Variants in ZNF292 observed in about 807,000 individuals in gnomAD.
ZNF292 encodes zinc finger protein 292.
Under a neutral mutation model 217.9 loss-of-function variants are expected in ZNF292, and 26 were observed. The observed-to-expected ratio is 0.12, with a 90% CI of 0.09 to 0.17. The LOEUF (loss-of-function observed/expected upper bound fraction) is 0.17. ZNF292 is among the 10% of genes least tolerant of loss of function. The pLI, the probability that ZNF292 is intolerant of heterozygous loss-of-function variation, is 1.00. For synonymous variants in ZNF292, 1,257 were observed against 1,124.1 expected, an observed-to-expected ratio of 1.12 and a Z score of -2.37; for missense variants, 2,904 against 3,175.2, an observed-to-expected ratio of 0.91 and a Z score of 2.05.
rs781723343 is a variant in ZNF292 at position 87,258,855 on chromosome 6, T to C, written c.5226T>C (p.Ser1742=). Residue 1742 remains serine (S), a synonymous_variant, in exon 8 of 8, where the codon TCT becomes TCC. Transcript: ENST00000369577. The part of the protein sequence containing the change: ...ALNSCTTSIN[S]DLQISEDNVI... The stretch of plus-strand genomic sequence containing the variant: ...ATTCATGCACAACTTCAATAAATTC[T>C]GATTTGCAGATTTCTGAAGACAATG... The C allele has an allele frequency of 1.7e-4, 275 of 1,610,158 alleles. 3 individuals carry two copies. The highest frequency in any genetic ancestry group is 9.1e-4 in the Admixed American group (54 of 59,330).
chr6:87,200,350 G>A (rs1026911715), intron 1 of ZNF292, among the ~76,000 whole-genome samples: 1 of 152,176 alleles, frequency 6.6e-6, no homozygotes, highest in Non-Finnish European at 1.5e-5. Context: ...GCTGAAGTCA[G>A]AATTGTCCTT....
chr6:87,215,363 A>G (rs1006010162), intron 1 of ZNF292, among the ~76,000 whole-genome samples: 1 of 152,146 alleles, frequency 6.6e-6, no homozygotes, highest in African/African-American at 2.4e-5. Context: ...GTTGATTTTT[A>G]TATGTTGAAA....
At chr6:87,210,873 G>A (rs779225144) in intron 1 of ZNF292, among the ~76,000 whole-genome samples, 3 of 152,194 alleles carry the variant, frequency 2.0e-5, no homozygotes, top group Non-Finnish European at 2.9e-5. Context: ...TCATCACTCA[G>A]CCCTAGCTAG....
At position 87,188,163 on chromosome 6, in the gene ZNF292, A is replaced by G. The variant is rs149843247; in HGVS notation, c.169-27740A>G. Among the ~76,000 whole-genome samples, 150 of 152,354 alleles carry G rather than the reference A, an allele frequency of 9.8e-4. 1 individual carries two copies. Among genetic ancestry groups the G allele is most frequent in the African/African-American group, 3.5e-3 (147 of 41,594 alleles). On this transcript the variant is annotated intron_variant, in intron 1 of 7. Coordinates refer to ENST00000369577, the MANE Select transcript of ZNF292 (RefSeq NM_015021.3). Reference sequence around the variant, plus strand: ...GCATTCTCTAGTTTGCCAGTTGTACATGAAAAACAACTCTCTGATAGTGAG... The same window carrying G: ...GCATTCTCTAGTTTGCCAGTTGTACGTGAAAAACAACTCTCTGATAGTGAG...
chr6:87,160,726 C>G (rs1249592497), intron 1 of ZNF292, among the ~76,000 whole-genome samples: 1 of 151,476 alleles, frequency 6.6e-6, no homozygotes, highest in East Asian at 1.9e-4. Flanking sequence ...ATAAGCAGGG[C>G]TTCTCAACTG....
intron 1 of ZNF292, among the ~76,000 whole-genome samples, chr6:87,202,318 G>T (rs2127790023): frequency 6.6e-6 from 1 of 152,124 alleles, no homozygotes; most frequent in South Asian, 2.1e-4. Flanking sequence ...TACTGTGAAT[G>T]TTATCTTTTT....
intron 1 of ZNF292, among the ~76,000 whole-genome samples, chr6:87,204,824 A>C (rs2127792101): frequency 6.6e-6 from 1 of 152,100 alleles, no homozygotes; most frequent in South Asian, 2.1e-4. Flanking sequence ...TCAGCCTCGC[A>C]AAGTGCTGGG....
At chr6:87,238,640 T>TTTA in intron 5 of ZNF292, among the ~76,000 whole-genome samples, 1 of 33,366 alleles carries the variant, frequency 3.0e-5, no homozygotes, top group East Asian at 1.2e-3. Flanking sequence ...TAAGTATTTA[T>TTTA]TTTTTTTATT....
intron 5 of ZNF292, among the ~76,000 whole-genome samples, chr6:87,234,255 T>C (rs1017178745): frequency 4.6e-5 from 7 of 152,162 alleles, no homozygotes; most frequent in African/African-American, 1.7e-4. Context: ...TTAAAGAATT[T>C]AGATAAAACT....
intron 1 of ZNF292, among the ~76,000 whole-genome samples, chr6:87,166,173 G>A (rs905755397): frequency 1.3e-5 from 2 of 152,262 alleles, no homozygotes; most frequent in Non-Finnish European, 1.5e-5. Flanking sequence ...AACCCATTGC[G>A]CTCTCCCTCC....
chr6:87,185,651 T>G (rs1771624369), intron 1 of ZNF292, among the ~76,000 whole-genome samples: 2 of 152,124 alleles, frequency 1.3e-5, no homozygotes, highest in African/African-American at 2.4e-5. Context: ...GTATTTTTGA[T>G]AGAGATGGGG....
chr6:87,193,296 G>A (rs1210651995), intron 1 of ZNF292, among the ~76,000 whole-genome samples: 1 of 152,166 alleles, frequency 6.6e-6, no homozygotes, highest in African/African-American at 2.4e-5. Context: ...TGCAATCCTA[G>A]CACTTTGGGA....
In ZNF292 at chr6:87,255,256, T is replaced by C; in HGVS notation, c.1627T>C (p.Tyr543His). The change falls in exon 8 of 8, where the codon TAT becomes CAT. Residue 543 changes from tyrosine to histidine, a missense_variant. By Grantham distance (83) the Tyr-to-His change is moderately conservative. Transcript: ENST00000369577. ...TAGGAATTGGCAAGCCTACATGCAG[T>C]ATTGTGTGTTGTGTGACAAAGAATT... ...RFRNWQAYMQ[Y>H]CVLCDKEFLG... 6.2e-7 allele frequency: 1 copy of C among 1,613,868 alleles called. No homozygotes were observed. Among genetic ancestry groups the C allele is most frequent in the Non-Finnish European group, 8.5e-7 (1 of 1,179,820 alleles).
intron 7 of ZNF292, among the ~76,000 whole-genome samples, chr6:87,253,824 C>T (rs1775059405): frequency 6.6e-6 from 1 of 152,184 alleles, no homozygotes; most frequent in African/African-American, 2.4e-5. Context: ...AATGTGGCCA[C>T]ATCCTGTGGC....
intron 1 of ZNF292, among the ~76,000 whole-genome samples, chr6:87,189,984 T>C (rs1386753766): frequency 7.9e-5 from 12 of 152,230 alleles, no homozygotes; most frequent in Non-Finnish European, 2.9e-5. Flanking sequence ...ATATTTATTT[T>C]ATACCTTGGT....
chr6:87,243,279 G>GTTT, intron 5 of ZNF292, among the ~76,000 whole-genome samples, 196 bp from the exon 6 acceptor site: 1 of 115,826 alleles, frequency 8.6e-6, no homozygotes, highest in African/African-American at 3.8e-5. Flanking sequence ...TATAAAGAAA[G>GTTT]GTTTTTTTTT....
chr6:87,258,482 G>A lies in ZNF292; in HGVS notation c.4853G>A (p.Ser1618Asn), dbSNP rs761462824. Residue 1618 changes from serine to asparagine, a missense_variant, in exon 8 of 8, where the codon AGT (serine) becomes AAT (asparagine). Ser to Asn is a conservative substitution (Grantham distance 46). This residue lies in a region of ZNF292 where 622 missense variants were observed against 573.1 expected (regional missense o/e 1.09). Coordinates refer to ENST00000369577, the MANE Select transcript of ZNF292 (RefSeq NM_015021.3). The part of the protein sequence containing the change: ...VISGPQNTRS[S>N]HLNKKGNSAS... The stretch of plus-strand genomic sequence containing the variant: ...AGTGGTCCTCAGAACACAAGATCCA[G>A]TCATTTAAATAAAAAGGGAAACAGT... The A allele has an allele frequency of 3.6e-5, 58 of 1,613,506 alleles. No homozygotes were observed. Among genetic ancestry groups the A allele is most frequent in the Middle Eastern group, 1.6e-4 (1 of 6,084 alleles).
intron 1 of ZNF292, chr6:87,170,443 A>G (rs1381917667): frequency 6.6e-6 from 1 of 152,232 alleles, no homozygotes; most frequent in Non-Finnish European, 1.5e-5. Flanking sequence ...CTGCTTCTTT[A>G]GTAATTAAGA....
At position 87,260,436 on chromosome 6, in the gene ZNF292, C is replaced by A. The variant is rs1775504892; in HGVS notation, c.6807C>A (p.Thr2269=). 1 of 1,613,512 alleles carries A rather than the reference C, an allele frequency of 6.2e-7. No homozygotes were observed. ...DCEGCDRIYA[T]RSNLLRHIFN... ...AAGGCTGTGACCGTATATATGCAAC[C>A]CGGTCGAATCTCCTCCGACACATTT... Residue 2269 remains threonine (T), a synonymous_variant, in exon 8 of 8, where the codon ACC becomes ACA. Coordinates refer to ENST00000369577, the MANE Select transcript of ZNF292 (RefSeq NM_015021.3).
Sources: gnomAD v4.1 joint callset for allele counts (sites outside exome capture counted in the v4.1 genomes callset) on GRCh38, gnomAD v4.1.1 for gene constraint, gnomAD v4.1.1 regional missense constraint, MANE v1.5 for transcripts, NCBI Gene and HGNC (gene_info 2026-07-23, HGNC 2026-07-21) for gene names.